Variants in LAMA5 observed in about 807,000 individuals in gnomAD.
LAMA5 encodes the protein laminin subunit alpha 5, also known as laminin subunit alpha-5.
In LAMA5, 260 loss-of-function variants were observed where a neutral mutation model predicts 433.4. The ratio of observed to expected loss-of-function variants is 0.60; its 90% CI spans 0.54 to 0.66. The LOEUF (loss-of-function observed/expected upper bound fraction) is 0.66. Ranked by LOEUF, LAMA5 falls within the 30% of genes least tolerant of loss-of-function variation. The probability of loss-of-function intolerance (pLI) is 0.00; values close to 1 mark genes in which losing one functional copy is unlikely to be tolerated. For synonymous variants in LAMA5, 2,620 were observed against 2,226.6 expected (o/e 1.18, Z -4.97); for missense variants, 5,378 against 5,258.5 (o/e 1.02, Z -0.70).
intron 48 of LAMA5, among the ~76,000 whole-genome samples, chr20:62,321,714 A>AGAGGGGTGGGGTCAGTG (rs1358144947): frequency 2.1e-4 from 5 of 23,946 alleles, no homozygotes; most frequent in African/African-American, 7.6e-4. Flanking sequence ...CAGGGCCAGC[A>AGAGGGGTGGGGTCAGTG]GAGGGGTGGG....
rs770493108 is a variant in LAMA5 at position 62,346,146 on chromosome 20, G to A, written c.1352C>T (p.Pro451Leu). The stretch of plus-strand genomic sequence containing the variant: ...GTCACACCGCTCCCCAGAGAAGTTG[G>A]GCCGGCAGTAGCATCGACCCGTCAG... ...EDLTGRCYCRPNFSGERCDVC... is the reference protein window; with the variant it reads ...EDLTGRCYCRLNFSGERCDVC... The change falls in exon 10 of 80, where the codon CCC becomes CTC. Residue 451 changes from proline to leucine, a missense_variant. Pro to Leu is a moderately conservative substitution (Grantham distance 98). Transcript: ENST00000252999. The A allele has an allele frequency of 2.5e-6, 4 of 1,612,960 alleles. No individual in the cohort carries two copies. The South Asian group carries it at 4.4e-5, about 18-fold the overall frequency.
chr20:62,365,636 T>G (rs1411917345), intron 1 of LAMA5, among the ~76,000 whole-genome samples: 12 of 152,086 alleles, frequency 7.9e-5, no homozygotes, highest in Non-Finnish European at 2.9e-5. Flanking sequence ...TCACAGGCCC[T>G]CCGTCCTGAG....
chr20:62,332,834 TG>T, intron 26 of LAMA5, 117 bp from the exon 27 acceptor site: 1 of 1,300,788 alleles, frequency 7.7e-7, no homozygotes, highest in Non-Finnish European at 1.0e-6. Context: ...AGTCCCACCC[TG>T]GCCCGGACAT....
Position 62,326,853 on chromosome 20 carries a change from C to G in LAMA5, c.5214+12G>C. The G allele has an allele frequency of 6.2e-7, 1 of 1,608,454 alleles. No individual in the cohort carries two copies. Among genetic ancestry groups the G allele is most frequent in the East Asian group, 2.2e-5 (1 of 44,732 alleles). ...ACCCAACCACCCTGCCACATCATCT[C>G]AGCTCCCTCACCTGCAGCACCACAT... On this transcript the variant is annotated intron_variant, in intron 39 of 79. Transcript: ENST00000252999.
In LAMA5 at chr20:62,359,513, GGAA is replaced by G. The variant is rs1206698343; in HGVS notation, c.450+2884_450+2886del. ...GGCCTGGGGCCTGGGTGTGGTTCTC[GGAA>G]GAAGGAGCCTGAGGCCAGTGATGTG... On this transcript the variant is annotated intron_variant, in intron 2 of 79. Coordinates refer to ENST00000252999, the MANE Select transcript of LAMA5 (RefSeq NM_005560.6). This position sits in a 1 kb window ranked among gnomAD's most constrained non-coding sequence, Gnocchi z 4.3. 6.6e-6 allele frequency among the ~76,000 whole-genome samples: 1 copy of G among 152,128 alleles called. No homozygotes were observed. Among genetic ancestry groups the G allele is most frequent in the Non-Finnish European group, 1.5e-5 (1 of 68,002 alleles).
Position 62,337,823 on chromosome 20 carries a change from G to C in LAMA5, c.2007C>G (p.His669Gln). 1.2e-6 allele frequency: 2 copies of C among 1,612,710 alleles called. No homozygotes were observed. Among genetic ancestry groups the C allele is most frequent in the Non-Finnish European group, 1.7e-6 (2 of 1,179,920 alleles). The change falls in exon 15 of 80, where the codon CAC becomes CAG. Residue 669 changes from histidine to glutamine, a missense_variant. His to Gln is a conservative substitution (Grantham distance 24). Transcript: ENST00000252999. ...TACQECSPGFHGFPSCVPCHC... is the reference protein window; with the variant it reads ...TACQECSPGFQGFPSCVPCHC... ...ACTCACGGACACAGCTGGGGAAGCC[G>C]TGAAAGCCGGGGCTGCATTCCTGGC...
At chr20:62,336,847 G>T (rs1163641289) in intron 16 of LAMA5, 61 bp from the exon 17 acceptor site, 4 of 1,555,278 alleles carry the variant, frequency 2.6e-6, no homozygotes, top group Non-Finnish European at 8.8e-7. Flanking sequence ...GGCCAAGGGT[G>T]TCCCAGGCCC....
At position 62,324,585 on chromosome 20, in the gene LAMA5, C is replaced by T. The variant is rs952531643; in HGVS notation, c.5530-31G>A. The T allele has an allele frequency of 6.6e-6, 10 of 1,521,502 alleles. No individual in the cohort carries two copies. Among genetic ancestry groups the T allele is most frequent in the African/African-American group, 2.7e-5 (2 of 73,014 alleles). The allele number at this position is 1,521,502 out of a possible 1,614,324, so 94.3% of individuals were successfully genotyped here. A position where few individuals can be genotyped will look rare whatever the true frequency, so the allele number is the denominator to read the frequency against. On this transcript the variant is annotated intron_variant, in intron 41 of 79. Transcript: ENST00000252999. The surrounding 1 kb of genome is among the most constrained non-coding windows in gnomAD (Gnocchi z 4.4). ...GGTGTACGGGGGCAGGTGGCATCAG[C>T]GATTGAGAGGACGAGGGGCCCCACC...
intron 11 of LAMA5, among the ~76,000 whole-genome samples, chr20:62,338,857 T>C (rs1982135488): frequency 6.6e-6 from 1 of 151,960 alleles, no homozygotes; most frequent in Non-Finnish European, 1.5e-5. Flanking sequence ...ACCAACATAG[T>C]GAAGCCCTGT....
rs1601264950 is a variant in LAMA5 at position 62,310,277 on chromosome 20, C to T, written c.10635G>A (p.Leu3545=). The part of the protein sequence containing the change: ...LPGATLPDVG[L]ELEVRPLAVT... Reference sequence around the variant, plus strand: ...CTGCCAGGGGCCGCACCTCCAGTTCCAGGCCCACATCAGGCAGTGTAGCTC... The same window carrying T: ...CTGCCAGGGGCCGCACCTCCAGTTCTAGGCCCACATCAGGCAGTGTAGCTC... Residue 3545 remains leucine, a synonymous_variant, in exon 77 of 80, where the codon CTG becomes CTA. Coordinates refer to ENST00000252999, the MANE Select transcript of LAMA5 (RefSeq NM_005560.6). 2 of 1,610,984 alleles carry T rather than the reference C, an allele frequency of 1.2e-6. No homozygotes were observed. The highest frequency in any genetic ancestry group is 2.2e-5 in the South Asian group (2 of 90,906).
chr20:62,346,159 ATCG>A lies in LAMA5; in HGVS notation c.1336_1338del (p.Arg446del). 3 of 1,613,036 alleles carry A rather than the reference ATCG, an allele frequency of 1.9e-6. No homozygotes were observed. The highest frequency in any genetic ancestry group is 2.5e-6 in the Non-Finnish European group (3 of 1,179,960). On this transcript the variant is annotated inframe_deletion, in exon 10 of 80. Transcript: ENST00000252999. The stretch of plus-strand genomic sequence containing the variant: ...CCAGAGAAGTTGGGCCGGCAGTAGC[ATCG>A]ACCCGTCAGGTCCTCGCAGGTGCCA...
rs1987354513 is a variant in LAMA5 at position 62,318,947 on chromosome 20, A to G, written c.6938T>C (p.Leu2313Pro). The G allele has an allele frequency of 6.3e-7, 1 of 1,597,546 alleles. No homozygotes were observed. The highest frequency in any genetic ancestry group is 8.5e-7 in the Non-Finnish European group (1 of 1,174,388). Residue 2313 changes from leucine to proline, a missense_variant, in exon 52 of 80, where the codon CTC becomes CCC. Physicochemically the swap from Leu to Pro is moderately conservative, Grantham distance 98 (BLOSUM62 -3). Coordinates refer to ENST00000252999, the MANE Select transcript of LAMA5 (RefSeq NM_005560.6). Reference sequence around the variant, plus strand: ...CCGCTCCACCTCGGCCAGTGTCCGGAGCAGCTGCTCACCTGATGGAGCCGA... The same window carrying G: ...CCGCTCCACCTCGGCCAGTGTCCGGGGCAGCTGCTCACCTGATGGAGCCGA... ...NASAPSGEQL[L>P]RTLAEVERLL...
chr20:62,317,323 CCCT>C lies in LAMA5; in HGVS notation c.7511+19_7511+21del. ...TGCATCCCCAGGGTGGGCCCAGGGC[CCCT>C]CCTCTCCTGGCCACCCACCTGGACA... On this transcript the variant is annotated intron_variant, in intron 55 of 79. Transcript: ENST00000252999. The C allele has an allele frequency of 1.3e-6, 2 of 1,590,876 alleles. No individual in the cohort carries two copies. The highest frequency in any genetic ancestry group is 1.7e-6 in the Non-Finnish European group (2 of 1,171,234).
chr20:62,357,512 G>A (rs1326144909), intron 2 of LAMA5, among the ~76,000 whole-genome samples: 3 of 152,184 alleles, frequency 2.0e-5, no homozygotes, highest in Non-Finnish European at 2.9e-5. Context: ...CGGGGCGGCA[G>A]CCGGGAGCAT....
At chr20:62,335,816 ATT>A in intron 18 of LAMA5, among the ~76,000 whole-genome samples, 1 of 36,248 alleles carries the variant, frequency 2.8e-5, no homozygotes, top group African/African-American at 5.2e-5. Flanking sequence ...GCACCCCAAC[ATT>A]CCCTCCAGGA....
At chr20:62,316,591 C>G in intron 57 of LAMA5, 80 bp downstream of exon 57, 1 of 1,100,140 alleles carries the variant, frequency 9.1e-7, no homozygotes, top group South Asian at 1.7e-5. Flanking sequence ...CCCACGTGTG[C>G]ATGTGGCTGG....
intron 40 of LAMA5, among the ~76,000 whole-genome samples, chr20:62,326,234 A>AAT (rs3065759): frequency 6.9e-6 from 1 of 144,188 alleles, no homozygotes; most frequent in East Asian, 2.0e-4. Context: ...CAAACAAACA[A>AAT]AAAAAAAAAA....
In LAMA5 at chr20:62,313,328, G is replaced by A. The variant is rs757933724; in HGVS notation, c.8791C>T (p.Arg2931Cys). Residue 2931 changes from arginine (R) to cysteine (C), a missense_variant and splice_region_variant, in exon 64 of 80, where the codon CGC becomes TGC. Transcript: ENST00000252999. Reference protein sequence around the residue: ...LDTAVDRPCARSKSTGDPWLT... With the variant: ...LDTAVDRPCACSKSTGDPWLT... ...ACGGGGAGGGCAGGCCACACGCACC[G>A]GGCACAAGGCCTGTCCACAGCCGTG... The A allele has an allele frequency of 2.7e-5, 42 of 1,554,928 alleles. No individual in the cohort carries two copies. The highest frequency in any genetic ancestry group is 1.2e-4 in the East Asian group (5 of 41,612).
rs374679404 is a variant in LAMA5 at position 62,310,030 on chromosome 20, G to A, written c.10786C>T (p.Arg3596Cys). Reference protein sequence around the residue: ...GAGEFSTSVTRPSVLCDGQWH... With the variant: ...GAGEFSTSVTCPSVLCDGQWH... The stretch of plus-strand genomic sequence containing the variant: ...TGGCCATCACACAGCACTGAGGGGC[G>A]GGTCACTGACGTGGAGAACTCCCCT... Residue 3596 changes from arginine (R) to cysteine (C), a missense_variant, in exon 78 of 80, where the codon CGC (arginine) becomes TGC (cysteine). Physicochemically the swap from Arg to Cys is radical, Grantham distance 180. Coordinates refer to ENST00000252999, the MANE Select transcript of LAMA5 (RefSeq NM_005560.6). The A allele has an allele frequency of 3.1e-5, 50 of 1,611,208 alleles. No homozygotes were observed. Among genetic ancestry groups the A allele is most frequent in the Admixed American group, 2.0e-4 (12 of 59,972 alleles).
Sources: gnomAD v4.1 joint callset for allele counts (sites outside exome capture counted in the v4.1 genomes callset) on GRCh38, gnomAD v4.1.1 for gene constraint, Gnocchi (gnomAD v3.1) non-coding constraint, MANE v1.5 for transcripts, NCBI Gene and HGNC (gene_info 2026-07-23, HGNC 2026-07-21) for gene names.